EXO1: variants seen among roughly 807,000 people sequenced by gnomAD.
The protein encoded by EXO1 is exonuclease 1.
In EXO1, 69 loss-of-function variants were observed where a neutral mutation model predicts 84.5. The observed-to-expected ratio is 0.82, with a 90% CI of 0.67 to 1.00. The LOEUF is 1.00. Among genes scored for constraint, EXO1 ranks in the 50% least tolerant of loss-of-function variants. The pLI is 0.00. For synonymous variants in EXO1, 373 were observed against 366.1 expected (o/e 1.02, Z -0.21); for missense variants, 1,045 against 1,000.7 (o/e 1.04, Z -0.60).
intron 14 of EXO1, among the ~76,000 whole-genome samples, chr1:241,883,780 A>G (rs1180902244): frequency 6.6e-6 from 1 of 152,164 alleles, no homozygotes; most frequent in Non-Finnish European, 1.5e-5. Flanking sequence ...TCATGTACAC[A>G]TTTGCATGTT....
At position 241,874,671 on chromosome 1, in the gene EXO1, C is replaced by T. The variant is rs936515505; in HGVS notation, c.1514+2393C>T. ...GTTGTGTTCATTGTGAGATGTGTGA[C>T]TTGACAAGTTAACTTCTGGATACTT... On this transcript the variant is annotated intron_variant, in intron 12 of 15. Transcript: ENST00000366548. 5.3e-5 allele frequency among the ~76,000 whole-genome samples: 8 copies of T among 152,202 alleles called. No individual in the cohort carries two copies. The East Asian group carries it at 1.5e-3, about 29-fold the overall frequency.
At chr1:241,864,483 A>C (rs749461855) in intron 10 of EXO1, among the ~76,000 whole-genome samples, 17 of 152,196 alleles carry the variant, frequency 1.1e-4, no homozygotes, top group Non-Finnish European at 1.6e-4. Flanking sequence ...TCAAAAGTTC[A>C]ATTGTTCTGG....
At chr1:241,885,850 TG>T (rs1267204443) in intron 15 of EXO1, among the ~76,000 whole-genome samples, 35 of 104,224 alleles carry the variant, frequency 3.4e-4, no homozygotes, top group South Asian at 5.9e-4. Flanking sequence ...TTTTGTTTTT[TG>T]TTTTTTGTTT....
chr1:241,883,793 T>G (rs1662899622), intron 14 of EXO1, among the ~76,000 whole-genome samples: 1 of 152,204 alleles, frequency 6.6e-6, no homozygotes, highest in Non-Finnish European at 1.5e-5. Context: ...TGCATGTTTG[T>G]GGCATCCTAT....
intron 6 of EXO1, chr1:241,854,639 G>A (rs1017270163): frequency 6.6e-6 from 1 of 152,618 alleles, no homozygotes; most frequent in African/African-American, 2.4e-5. Context: ...TGTGCTCTGT[G>A]TAGTCAGGAG....
chr1:241,863,035 G>C (rs536697905), intron 10 of EXO1, among the ~76,000 whole-genome samples: 1 of 152,270 alleles, frequency 6.6e-6, no homozygotes, highest in South Asian at 2.1e-4. Flanking sequence ...AATGCGGTAA[G>C]TGCTACGCTA....
chr1:241,859,179 A>C (rs1181567648), intron 8 of EXO1, among the ~76,000 whole-genome samples: 1 of 152,218 alleles, frequency 6.6e-6, no homozygotes, highest in Non-Finnish European at 1.5e-5. Flanking sequence ...ATTCACTTAA[A>C]CTTTATAATA....
Position 241,858,517 on chromosome 1 carries a change from G to T in EXO1, c.555G>T (p.Lys185Asn), listed in dbSNP as rs1661189860. ...LAFGCKKVIL[K>N]MDQFGNGLEI... The stretch of plus-strand genomic sequence containing the variant: ...CCTTCCTTTTGAAGGTAATTTTAAA[G>T]ATGGACCAGTTTGGAAATGGACTTG... Residue 185 changes from lysine (K) to asparagine (N), a missense_variant, in exon 8 of 16, where the codon AAG becomes AAT. Coordinates refer to ENST00000366548, the MANE Select transcript of EXO1 (RefSeq NM_130398.4). 1 of 1,613,492 alleles carries T rather than the reference G, an allele frequency of 6.2e-7. No individual in the cohort carries two copies. The highest frequency in any genetic ancestry group is 8.5e-7 in the Non-Finnish European group (1 of 1,179,394).
Position 241,878,737 on chromosome 1 carries a change from T to A in EXO1, c.1515-12T>A, listed in dbSNP as rs757032871. 1 of 1,559,138 alleles carries A rather than the reference T, an allele frequency of 6.4e-7. No homozygotes were observed. The highest frequency in any genetic ancestry group is 1.1e-5 in the South Asian group (1 of 88,682). On this transcript the variant is annotated splice_polypyrimidine_tract_variant and intron_variant, in intron 12 of 15. Transcript: ENST00000366548. ...CATACTTACTTATTGTTTCTATTGC[T>A]TTTTTTATTAGGTTTTTTTGCAGTT... is the stretch of plus-strand genomic sequence containing the variant.
intron 14 of EXO1, among the ~76,000 whole-genome samples, chr1:241,884,679 A>ACGTGCC (rs1161251574): frequency 1.5e-5 from 2 of 136,686 alleles, no homozygotes; most frequent in Admixed American, 1.5e-4. Flanking sequence ...GTGTGTGTGC[A>ACGTGCC]CGTGCACGTA....
rs754596782 is a variant in EXO1 at position 241,858,536 on chromosome 1, G to A, written c.574G>A (p.Gly192Arg). The change falls in exon 8 of 16, where the codon GGA (glycine) becomes AGA (arginine). Residue 192 changes from glycine to arginine, a missense_variant. Coordinates refer to ENST00000366548, the MANE Select transcript of EXO1 (RefSeq NM_130398.4). Reference sequence around the variant, plus strand: ...TTTAAAGATGGACCAGTTTGGAAATGGACTTGAAATTGATCAAGCTCGGCT... The same window carrying A: ...TTTAAAGATGGACCAGTTTGGAAATAGACTTGAAATTGATCAAGCTCGGCT... ...VILKMDQFGN[G>R]LEIDQARLGM... 1 of 1,614,022 alleles carries A rather than the reference G, an allele frequency of 6.2e-7. No individual in the cohort carries two copies. Among genetic ancestry groups the A allele is most frequent in the Non-Finnish European group, 8.5e-7 (1 of 1,179,928 alleles).
chr1:241,886,365 CCA>C (rs1247488093), intron 15 of EXO1, among the ~76,000 whole-genome samples: 1 of 152,132 alleles, frequency 6.6e-6, no homozygotes, highest in African/African-American at 2.4e-5. Context: ...ACAAAATTAG[CCA>C]CAGAGTAGCA....
In EXO1 at chr1:241,850,438, G is replaced by A. The variant is rs908214004; in HGVS notation, c.13G>A (p.Gly5Arg). The A allele has an allele frequency of 6.2e-7, 1 of 1,613,692 alleles. No homozygotes were observed. Among genetic ancestry groups the A allele is most frequent in the South Asian group, 1.1e-5 (1 of 91,070 alleles). The change falls in exon 4 of 16, where the codon GGA becomes AGA. Residue 5 changes from glycine to arginine, a missense_variant. By Grantham distance (125) the Gly-to-Arg change is moderately radical. Transcript: ENST00000366548. MGIQ[G>R]LLQFIKEASE... ...TTAATTTGGCACCATGGGGATACAG[G>A]GATTGCTACAATTTATCAAAGAAGC...
At chr1:241,884,482 TTAAG>T (rs1357508488) in intron 14 of EXO1, among the ~76,000 whole-genome samples, 15 of 152,194 alleles carry the variant, frequency 9.9e-5, no homozygotes, top group Non-Finnish European at 1.0e-4. Context: ...AGAGGTTTGT[TTAAG>T]TAAGTTATGG....
At chr1:241,850,982 A>C (rs1330219121) in intron 4 of EXO1, among the ~76,000 whole-genome samples, 2 of 151,592 alleles carry the variant, frequency 1.3e-5, no homozygotes, top group Non-Finnish European at 1.5e-5. Flanking sequence ...TTACAGGTGC[A>C]CACCACCATA....
intron 6 of EXO1, among the ~76,000 whole-genome samples, chr1:241,856,144 G>A (rs1173494855): frequency 6.6e-6 from 1 of 152,198 alleles, no homozygotes; most frequent in Admixed American, 6.5e-5. Context: ...TTCTCAAAAG[G>A]ATGAGAGTAG....
intron 10 of EXO1, among the ~76,000 whole-genome samples, chr1:241,866,594 A>G (rs901311690): frequency 1.4e-5 from 2 of 138,560 alleles, no homozygotes; most frequent in African/African-American, 5.3e-5. Flanking sequence ...GAAATGAGCT[A>G]ACAAAGTTGC....
chr1:241,881,313 T>G (rs1469886383), intron 13 of EXO1, among the ~76,000 whole-genome samples: 1 of 152,192 alleles, frequency 6.6e-6, no homozygotes, highest in Non-Finnish European at 1.5e-5. Context: ...ATTACAGGCA[T>G]GAGCCACCGC....
rs530186371 is a variant in EXO1, at chr1:241,868,470, A to G, written c.1267+1415A>G. 1.1e-4 allele frequency among the ~76,000 whole-genome samples: 17 copies of G among 152,290 alleles called. No individual in the cohort carries two copies. The South Asian group carries it at 3.1e-3, about 28-fold the overall frequency. On this transcript the variant is annotated intron_variant, in intron 11 of 15. Coordinates refer to ENST00000366548, the MANE Select transcript of EXO1 (RefSeq NM_130398.4). ...GCTCAAAGGGTCTTACTAGTTCAGAATACATTATCGTAAAACAAAAAATAA... is the reference window on the plus strand; with the variant it reads ...GCTCAAAGGGTCTTACTAGTTCAGAGTACATTATCGTAAAACAAAAAATAA...
Sources: gnomAD v4.1 joint callset for allele counts (sites outside exome capture counted in the v4.1 genomes callset) on GRCh38, gnomAD v4.1.1 for gene constraint, MANE v1.5 for transcripts, NCBI Gene and HGNC (gene_info 2026-07-23, HGNC 2026-07-21) for gene names.